CSTPP1: variants seen among roughly 807,000 people sequenced by gnomAD.
CSTPP1 encodes centriolar satellite-associated tubulin polyglutamylase complex regulator 1.
the CSTPP1 span, among the ~76,000 whole-genome samples, chr11:46,986,897 G>C: frequency 6.6e-6 from 1 of 152,250 alleles, no homozygotes; most frequent in Non-Finnish European, 1.5e-5. Context: ...AGGTGTATCT[G>C]CTGAATGGTG....
At chr11:47,046,282 GAA>G in the CSTPP1 span, among the ~76,000 whole-genome samples, 4 of 55,916 alleles carry the variant, frequency 7.2e-5, no homozygotes, top group South Asian at 6.0e-4. Context: ...TCCACCAAAA[GAA>G]AAAAAAAAAA....
At chr11:47,111,507 T>C in the CSTPP1 span, among the ~76,000 whole-genome samples, 1 of 152,166 alleles carries the variant, frequency 6.6e-6, no homozygotes, top group African/African-American at 2.4e-5. Context: ...TTCTCTCTTA[T>C]GTTGCTAACG....
the CSTPP1 span, among the ~76,000 whole-genome samples, chr11:46,972,932 T>C: frequency 6.6e-6 from 1 of 152,210 alleles, no homozygotes; most frequent in Non-Finnish European, 1.5e-5. Context: ...GTGGAAAATA[T>C]TTATACTCAA....
At chr11:47,084,760 G>A in the CSTPP1 span, among the ~76,000 whole-genome samples, 1 of 152,112 alleles carries the variant, frequency 6.6e-6, no homozygotes, top group Non-Finnish European at 1.5e-5. Context: ...TTGATCTAAG[G>A]TAGTGTATGC....
chr11:47,032,927 GT>G, the CSTPP1 span, among the ~76,000 whole-genome samples: 1 of 152,054 alleles, frequency 6.6e-6, no homozygotes, highest in Non-Finnish European at 1.5e-5. Flanking sequence ...CATTAAAACA[GT>G]TGATTAACAC....
chr11:47,100,739 G>A, the CSTPP1 span, among the ~76,000 whole-genome samples: 16 of 152,290 alleles, frequency 1.1e-4, no homozygotes, highest in East Asian at 9.6e-4. Flanking sequence ...GCAGTGAGCC[G>A]ACATTGTGCC....
chr11:47,077,487 A>C, the CSTPP1 span, among the ~76,000 whole-genome samples: 1 of 152,206 alleles, frequency 6.6e-6, no homozygotes, highest in Non-Finnish European at 1.5e-5. Flanking sequence ...GGTGTGAGCC[A>C]CTACACCCAG....
At chr11:47,051,156 C>T in the CSTPP1 span, among the ~76,000 whole-genome samples, 1 of 151,946 alleles carries the variant, frequency 6.6e-6, no homozygotes, top group South Asian at 2.1e-4. Flanking sequence ...TTGGAATTAC[C>T]ATCGTTCCCC....
chr11:47,101,194 T>TTTTTTTTTTG, the CSTPP1 span, among the ~76,000 whole-genome samples: 1 of 122,610 alleles, frequency 8.2e-6, no homozygotes, highest in Non-Finnish European at 1.7e-5. Flanking sequence ...TTTTTTATTT[T>TTTTTTTTTTG]ATTTTTAGTA....
chr11:47,161,861 C>CACTT, the CSTPP1 span: 1 of 1,338,420 alleles, frequency 7.5e-7, no homozygotes, highest in Non-Finnish European at 9.6e-7. Flanking sequence ...CTGTGAACTT[C>CACTT]ACTTAGGCCC....
the CSTPP1 span, among the ~76,000 whole-genome samples, chr11:47,037,392 ATTT>A: frequency 1.7e-5 from 2 of 116,748 alleles, no homozygotes; most frequent in East Asian, 2.2e-4. Context: ...TATTATTATT[ATTT>A]TTTTTTTTTA....
At chr11:47,016,452 A>T in the CSTPP1 span, among the ~76,000 whole-genome samples, 101 of 152,138 alleles carry the variant, frequency 6.6e-4, no homozygotes, top group Non-Finnish European at 1.3e-3. Context: ...GAATTTATCA[A>T]GGCTGTATAT....
the CSTPP1 span, chr11:47,052,172 A>C: frequency 2.4e-6 from 1 of 423,542 alleles, no homozygotes; most frequent in South Asian, 3.8e-5. Context: ...GGTGGGAAGC[A>C]CTCAGAGGAA....
the CSTPP1 span, among the ~76,000 whole-genome samples, chr11:47,060,354 C>T: frequency 2.0e-5 from 3 of 148,924 alleles, no homozygotes; most frequent in Admixed American, 6.8e-5. Flanking sequence ...CCTCCCACCT[C>T]AGCCTCCCTA....
chr11:46,939,874 TTTTC>T, the CSTPP1 span, among the ~76,000 whole-genome samples: 1 of 152,182 alleles, frequency 6.6e-6, no homozygotes, highest in Non-Finnish European at 1.5e-5. Context: ...TTGTTTTTTC[TTTTC>T]TTTCTTTCTT....
the CSTPP1 span, among the ~76,000 whole-genome samples, chr11:47,133,462 T>C: frequency 6.6e-6 from 1 of 152,216 alleles, no homozygotes; most frequent in Non-Finnish European, 1.5e-5. Context: ...CCCCTGCACC[T>C]GCCAGGTAGA....
At chr11:47,084,290 A>G in the CSTPP1 span, among the ~76,000 whole-genome samples, 1 of 152,280 alleles carries the variant, frequency 6.6e-6, no homozygotes, top group Admixed American at 6.5e-5. Context: ...GGAGTTCTTT[A>G]CACATTCTGG....
At chr11:47,157,174 G>A in the CSTPP1 span, 3 of 1,608,484 alleles carry the variant, frequency 1.9e-6, no homozygotes, top group Non-Finnish European at 2.5e-6. Context: ...AGGCGTCGCT[G>A]TTCTACCAGT....
the CSTPP1 span, among the ~76,000 whole-genome samples, chr11:47,054,932 T>G: frequency 1.6e-5 from 1 of 61,236 alleles, no homozygotes; most frequent in Non-Finnish European, 3.1e-5. Flanking sequence ...ATTTCAATTT[T>G]TTTTTTTTTT....
Sources: gnomAD v4.1 joint callset for allele counts (sites outside exome capture counted in the v4.1 genomes callset) on GRCh38, gnomAD v4.1.1 for gene constraint, MANE v1.5 for transcripts, NCBI Gene and HGNC (gene_info 2026-07-23, HGNC 2026-07-21) for gene names.